Variants in COL5A2 observed in about 807,000 individuals in gnomAD.
COL5A2 encodes the protein collagen type V alpha 2 chain.
COL5A2 carries 23 observed loss-of-function variants against 208.2 expected under a neutral mutation model. The observed-to-expected ratio is 0.11, with a 90% CI of 0.08 to 0.16. The LOEUF (loss-of-function observed/expected upper bound fraction) is 0.16, where lower values mean the gene tolerates loss of function less well. Ranked by LOEUF, COL5A2 falls within the 10% of genes least tolerant of loss-of-function variation. The pLI is 1.00. For missense variants in COL5A2, 1,590 were observed against 1,956.4 expected (o/e 0.81, Z 3.53); for synonymous variants, 625 against 628.5 (o/e 0.99, Z 0.08).
At chr2:189,258,584 C>T in the COL5A2 span, among the ~76,000 whole-genome samples, 3 of 152,124 alleles carry the variant, frequency 2.0e-5, no homozygotes, top group South Asian at 2.1e-4. Context: ...TGAAAAAATG[C>T]ACTATGCAGT....
At chr2:189,320,375 A>G in the COL5A2 span, among the ~76,000 whole-genome samples, 1 of 152,238 alleles carries the variant, frequency 6.6e-6, no homozygotes, top group East Asian at 1.9e-4. Flanking sequence ...TCCGAGCTAA[A>G]GGGGGAAGTT....
the COL5A2 span, among the ~76,000 whole-genome samples, chr2:189,400,710 A>G: frequency 6.6e-6 from 1 of 152,202 alleles, no homozygotes; most frequent in Non-Finnish European, 1.5e-5. Context: ...CCGATATGAT[A>G]CTGACAAAAT....
intron 1 of COL5A2, among the ~76,000 whole-genome samples, chr2:189,149,363 T>G (rs1283650396): frequency 6.6e-6 from 1 of 152,208 alleles, no homozygotes; most frequent in African/African-American, 2.4e-5. Context: ...TACTTGCTGA[T>G]TAATAATATT....
chr2:189,089,737 C>A (rs1417362975), intron 7 of COL5A2, among the ~76,000 whole-genome samples: 2 of 152,018 alleles, frequency 1.3e-5, no homozygotes, highest in Non-Finnish European at 2.9e-5. Context: ...TATTATTGTT[C>A]TTATTATATC....
chr2:189,135,503 A>G (rs973122631), intron 1 of COL5A2, among the ~76,000 whole-genome samples: 3 of 152,218 alleles, frequency 2.0e-5, no homozygotes, highest in Non-Finnish European at 2.9e-5. Context: ...TGTCATAAAT[A>G]TTGGTTACAA....
chr2:189,082,494 T>C (rs1449510463), intron 12 of COL5A2, among the ~76,000 whole-genome samples: 1 of 152,242 alleles, frequency 6.6e-6, no homozygotes, highest in Non-Finnish European at 1.5e-5. Context: ...CTCTCCATCC[T>C]TAGCAGGCAA....
Position 189,075,455 on chromosome 2 carries a change from A to C in COL5A2, c.1060-18T>G, listed in dbSNP as rs1686383954. ...CGTTGTCCCTAATTAAGAGAAAAAG[A>C]GACAAGACAGGATAAGATTACATTT... On this transcript the variant is annotated intron_variant, in intron 16 of 53. Coordinates refer to ENST00000374866, the MANE Select transcript of COL5A2 (RefSeq NM_000393.5). 1 of 1,595,366 alleles carries C rather than the reference A, an allele frequency of 6.3e-7. No homozygotes were observed. The highest frequency in any genetic ancestry group is 1.7e-5 in the Admixed American group (1 of 59,930).
chr2:189,076,092 T>G (rs367637315), intron 16 of COL5A2, among the ~76,000 whole-genome samples: 3 of 152,326 alleles, frequency 2.0e-5, no homozygotes, highest in African/African-American at 7.2e-5. Flanking sequence ...AGATCTCTGT[T>G]GCAATTGCAA....
At chr2:189,323,481 T>C in the COL5A2 span, among the ~76,000 whole-genome samples, 1 of 152,138 alleles carries the variant, frequency 6.6e-6, no homozygotes, top group Non-Finnish European at 1.5e-5. Flanking sequence ...AGTCTCAGGA[T>C]ACAAAATCAA....
intron 1 of COL5A2, among the ~76,000 whole-genome samples, chr2:189,125,931 T>TC: frequency 6.6e-6 from 1 of 152,224 alleles, no homozygotes; most frequent in East Asian, 1.9e-4. Context: ...GGCTTTGGAT[T>TC]CCTTTAACTA....
chr2:189,269,570 G>T, the COL5A2 span, among the ~76,000 whole-genome samples: 1 of 152,072 alleles, frequency 6.6e-6, no homozygotes, highest in Non-Finnish European at 1.5e-5. Flanking sequence ...AACTAGCCTT[G>T]GATCCCAGGA....
intron 49 of COL5A2, 82 bp from the exon 50 acceptor site, chr2:189,041,775 C>T: frequency 1.2e-6 from 1 of 844,592 alleles, no homozygotes; most frequent in African/African-American, 1.7e-5. Flanking sequence ...AACTATTTTA[C>T]ATATGGAGCT....
the COL5A2 span, among the ~76,000 whole-genome samples, chr2:189,426,583 A>G: frequency 6.6e-6 from 1 of 152,234 alleles, no homozygotes; most frequent in African/African-American, 2.4e-5. Context: ...GGCACATGTC[A>G]TCAGGACCTC....
intron 1 of COL5A2, among the ~76,000 whole-genome samples, chr2:189,152,185 T>C (rs1337909826): frequency 6.6e-6 from 1 of 152,160 alleles, no homozygotes; most frequent in Non-Finnish European, 1.5e-5. Flanking sequence ...CCTTTACATT[T>C]TTTAGATATG....
At position 189,057,416 on chromosome 2, in the gene COL5A2, A is replaced by C; in HGVS notation, c.2241T>G (p.Gly747=). ...CTGTATCTCCAGGGGTCCCAGATGG[A>C]CCTGGACTGCCCTAAAATGAACCAA... ...HGPDGPKGSP[G]PSGTPGDTGP... Residue 747 remains glycine (G), a synonymous_variant, in exon 34 of 54, where the codon GGT becomes GGG. Coordinates refer to ENST00000374866, the MANE Select transcript of COL5A2 (RefSeq NM_000393.5). 6.2e-7 allele frequency: 1 copy of C among 1,611,966 alleles called. No individual in the cohort carries two copies.
chr2:189,238,536 T>C, the COL5A2 span, among the ~76,000 whole-genome samples: 1 of 152,126 alleles, frequency 6.6e-6, no homozygotes, highest in Non-Finnish European at 1.5e-5. Flanking sequence ...AGTGTATTAG[T>C]CCATTTTCAT....
chr2:189,123,612 A>G (rs531955144), intron 1 of COL5A2, among the ~76,000 whole-genome samples: 1 of 152,326 alleles, frequency 6.6e-6, no homozygotes, highest in East Asian at 1.9e-4. Flanking sequence ...ACACAGGTGT[A>G]TGGTCTAGAC....
chr2:189,352,854 G>C, the COL5A2 span, among the ~76,000 whole-genome samples: 2 of 152,162 alleles, frequency 1.3e-5, no homozygotes, highest in Non-Finnish European at 2.9e-5. Context: ...TAGTCATGAA[G>C]TCTTTGCCCA....
At chr2:189,221,773 T>TACTTTTC (rs1689350152) in intron 1 of COL5A2, among the ~76,000 whole-genome samples, 1 of 152,176 alleles carries the variant, frequency 6.6e-6, no homozygotes, top group African/African-American at 2.4e-5. Flanking sequence ...ATATTTTTCA[T>TACTTTTC]ATACTTCTGT....
Sources: gnomAD v4.1 joint callset for allele counts (sites outside exome capture counted in the v4.1 genomes callset) on GRCh38, gnomAD v4.1.1 for gene constraint, MANE v1.5 for transcripts, NCBI Gene and HGNC (gene_info 2026-07-23, HGNC 2026-07-21) for gene names.